The following BRAF variants were observed in gnomAD, a reference collection of about 807,000 sequenced individuals.
BRAF encodes the protein serine/threonine-protein kinase B-raf.
BRAF carries 16 observed loss-of-function variants against 104.6 expected under a neutral mutation model. The ratio of observed to expected loss-of-function variants is 0.15; its 90% CI spans 0.10 to 0.23. The LOEUF (loss-of-function observed/expected upper bound fraction) is 0.23, where lower values mean the gene tolerates loss of function less well. Ranked by LOEUF, BRAF falls within the 10% of genes least tolerant of loss-of-function variation. The pLI is 1.00. For synonymous variants in BRAF, 310 were observed against 341.6 expected, an observed-to-expected ratio of 0.91 and a Z score of 1.02; for missense variants, 541 against 937.3, an observed-to-expected ratio of 0.58 and a Z score of 5.52.
rs764408896 is a variant in BRAF at position 140,850,122 on chromosome 7, T to C, written c.229A>G (p.Ile77Val). 1.1e-5 allele frequency: 18 copies of C among 1,604,588 alleles called. No individual in the cohort carries two copies. Among genetic ancestry groups the C allele is most frequent in the African/African-American group, 1.3e-5 (1 of 74,676 alleles). ...ACTCAAAAGCTTACCTCCAGATATATTGATGGTGGATTATGCTCCCCACCA... is the reference window on the plus strand; with the variant it reads ...ACTCAAAAGCTTACCTCCAGATATACTGATGGTGGATTATGCTCCCCACCA... Reference protein sequence around the residue: ...KFGGEHNPPSIYLEAYEEYTS... With the variant: ...KFGGEHNPPSVYLEAYEEYTS... Residue 77 changes from isoleucine (I) to valine (V), a missense_variant, in exon 2 of 20, where the codon ATA (isoleucine) becomes GTA (valine). Coordinates refer to ENST00000644969, the MANE Select transcript of BRAF (RefSeq NM_001374258.1).
rs1586017251 is a variant in BRAF, at chr7:140,753,902, A to C, written c.1861+285T>G. 6.2e-6 allele frequency: 3 copies of C among 483,414 alleles called. No individual in the cohort carries two copies. In the East Asian group the frequency reaches 1.2e-4, roughly 19 times the overall value. 29.9% of individuals were successfully genotyped at this position (483,414 alleles called of 1,614,324 possible). A position where few individuals can be genotyped will look rare whatever the true frequency, so the allele number is the denominator to read the frequency against. ...CTGAAAGGGACTAATAGATAGCTAC[A>C]AAACTATCAGTTTTATAGTGCTGAT... On this transcript the variant is annotated intron_variant, in intron 15 of 19. Coordinates refer to ENST00000644969, the MANE Select transcript of BRAF (RefSeq NM_001374258.1).
rs550687201 is a variant in BRAF at position 140,724,199 on chromosome 7, G to A, written c.*2295C>T. ...GCTAAGCTTCCTCCCTAATGGTACC[G>A]CCCCTGCCCCTGCCCCACGGAGGCA... On this transcript the variant is annotated 3_prime_UTR_variant, in exon 20 of 20. Transcript: ENST00000644969. 9.9e-5 allele frequency: 105 copies of A among 1,056,000 alleles called. No homozygotes were observed. The highest frequency in any genetic ancestry group is 1.2e-4 in the Non-Finnish European group (105 of 873,568). 65.4% of individuals were successfully genotyped at this position (1,056,000 alleles called of 1,614,324 possible).
intron 1 of BRAF, among the ~76,000 whole-genome samples, chr7:140,890,723 G>A (rs1031191097): frequency 2.6e-5 from 4 of 152,198 alleles, no homozygotes; most frequent in African/African-American, 9.7e-5. Flanking sequence ...CCAGGCATCT[G>A]TACCTTCTGA....
chr7:140,842,342 G>C (rs565262050), intron 2 of BRAF, among the ~76,000 whole-genome samples: 17 of 152,054 alleles, frequency 1.1e-4, no homozygotes, highest in Non-Finnish European at 1.9e-4. Context: ...TAACTCAAAG[G>C]GTAGGCTGAA....
intron 1 of BRAF, among the ~76,000 whole-genome samples, chr7:140,856,679 T>C (rs888774425): frequency 6.6e-6 from 1 of 151,838 alleles, no homozygotes; most frequent in Non-Finnish European, 1.5e-5. Flanking sequence ...CAGAGATAAA[T>C]GAATGGAAAA....
At chr7:140,853,784 G>A (rs971045368) in intron 1 of BRAF, among the ~76,000 whole-genome samples, 27 of 151,842 alleles carry the variant, frequency 1.8e-4, no homozygotes, top group African/African-American at 2.4e-5. Context: ...TATTTGTTCC[G>A]TAGCATATGT....
intron 18 of BRAF, 45 bp from the exon 18 acceptor site, chr7:140,734,815 A>G (rs1585933412): frequency 5.0e-6 from 7 of 1,391,616 alleles, no homozygotes; most frequent in Non-Finnish European, 6.5e-6. Context: ...AAGAAAAAAG[A>G]AAAAAAAAGA....
chr7:140,790,284 C>CTT (rs1303310311), intron 8 of BRAF, among the ~76,000 whole-genome samples: 3 of 152,156 alleles, frequency 2.0e-5, no homozygotes, highest in Non-Finnish European at 4.4e-5. Flanking sequence ...ACAACATAAA[C>CTT]TTAGATTTTT....
At chr7:140,862,070 C>G (rs573935571) in intron 1 of BRAF, among the ~76,000 whole-genome samples, 8 of 152,272 alleles carry the variant, frequency 5.3e-5, no homozygotes, top group Admixed American at 3.9e-4. Context: ...GAAAAGAATC[C>G]TAGACCTATG....
intron 1 of BRAF, among the ~76,000 whole-genome samples, chr7:140,884,429 ATGTGTG>A (rs71170770): frequency 0.032 from 4,115 of 127,460 alleles, 95 homozygotes; most frequent in African/African-American, 0.054. Flanking sequence ...TATATAAGAT[ATGTGTG>A]TGTGTGTGTG....
intron 12 of BRAF, among the ~76,000 whole-genome samples, chr7:140,778,595 A>T (rs1800548552): frequency 6.6e-6 from 1 of 152,080 alleles, no homozygotes; most frequent in Admixed American, 6.6e-5. Flanking sequence ...TTTAAAAAAA[A>T]CTTCATGTGA....
intron 6 of BRAF, 130 bp downstream of exon 6, chr7:140,801,282 T>C: frequency 2.9e-6 from 3 of 1,042,808 alleles, no homozygotes; most frequent in Admixed American, 4.8e-5. Context: ...CTAACTACAC[T>C]TAAAAAAAAT....
chr7:140,839,635 C>T (rs1193475472), intron 2 of BRAF, among the ~76,000 whole-genome samples: 10 of 152,188 alleles, frequency 6.6e-5, no homozygotes, highest in South Asian at 6.2e-4. Context: ...GAGGCTGAAG[C>T]GGGAGGATCG....
Position 140,838,105 on chromosome 7 carries a change from T to C in BRAF, c.241-3233A>G, listed in dbSNP as rs1250024575. Reference sequence around the variant, plus strand: ...TTTTGGTTATTCAAGATGCTGCAGATACCAGATACCACTTCTTCAGGAGAC... The same window carrying C: ...TTTTGGTTATTCAAGATGCTGCAGACACCAGATACCACTTCTTCAGGAGAC... On this transcript the variant is annotated intron_variant, in intron 2 of 19. Coordinates refer to ENST00000644969, the MANE Select transcript of BRAF (RefSeq NM_001374258.1). Among the ~76,000 whole-genome samples the C allele has an allele frequency of 4.6e-5, 7 of 152,212 alleles. No homozygotes were observed. The East Asian group carries it at 1.2e-3, about 25-fold the overall frequency.
chr7:140,830,379 T>C (rs1348028675), intron 3 of BRAF, among the ~76,000 whole-genome samples: 1 of 152,216 alleles, frequency 6.6e-6, no homozygotes, highest in East Asian at 1.9e-4. Flanking sequence ...TATTTTGGTC[T>C]TCAACCCTTT....
intron 1 of BRAF, among the ~76,000 whole-genome samples, chr7:140,875,471 G>A (rs1158087981): frequency 2.6e-5 from 4 of 152,156 alleles, no homozygotes; most frequent in Non-Finnish European, 5.9e-5. Flanking sequence ...CGCCTCCCGG[G>A]CTCAAGCGAT....
At chr7:140,865,624 T>C (rs936961565) in intron 1 of BRAF, among the ~76,000 whole-genome samples, 45 of 152,322 alleles carry the variant, frequency 3.0e-4, no homozygotes, top group African/African-American at 1.1e-3. Context: ...TGGACTGTGA[T>C]GAAACAAATA....
At chr7:140,742,817 T>C (rs1306572547) in intron 17 of BRAF, among the ~76,000 whole-genome samples, 1 of 151,968 alleles carries the variant, frequency 6.6e-6, no homozygotes, top group Non-Finnish European at 1.5e-5. Flanking sequence ...TTTTGCAACC[T>C]ACTCATCTGA....
rs180985059 is a variant in BRAF at position 140,725,179 on chromosome 7, C to G, written c.*1315G>C. 103 of 1,042,940 alleles carry G rather than the reference C, an allele frequency of 9.9e-5. No homozygotes were observed. In the African/African-American group the frequency reaches 1.7e-3, roughly 17 times the overall value. 64.6% of individuals were successfully genotyped at this position (1,042,940 alleles called of 1,614,324 possible). A position where few individuals can be genotyped will look rare whatever the true frequency, so the allele number is the denominator to read the frequency against. ...CCATTTTTATTTTAGGTTGCATATT[C>G]TAGATAAAAGACTAGAAAGAAGATG... On this transcript the variant is annotated 3_prime_UTR_variant, in exon 20 of 20. Transcript: ENST00000644969.
Sources: gnomAD v4.1 joint callset for allele counts (sites outside exome capture counted in the v4.1 genomes callset) on GRCh38, gnomAD v4.1.1 for gene constraint, MANE v1.5 for transcripts, NCBI Gene and HGNC (gene_info 2026-07-23, HGNC 2026-07-21) for gene names.